ZNRF3: variants seen among roughly 807,000 people sequenced by gnomAD.
The protein encoded by ZNRF3 is E3 ubiquitin-protein ligase ZNRF3.
Under a neutral mutation model 72.5 loss-of-function variants are expected in ZNRF3, and 23 were observed. The observed-to-expected ratio is 0.32, with a 90% CI of 0.23 to 0.45. The LOEUF is 0.45. ZNRF3 is among the 20% of genes least tolerant of loss of function. The probability of loss-of-function intolerance (pLI) is 1.00; values close to 1 mark genes in which losing one functional copy is unlikely to be tolerated. For synonymous variants in ZNRF3, 610 were observed against 545.3 expected (o/e 1.12, Z -1.65); for missense variants, 1,169 against 1,272.1 (o/e 0.92, Z 1.23).
chr22:28,949,998 AAACTT>A (rs1332362421), intron 1 of ZNRF3, among the ~76,000 whole-genome samples: 1 of 152,068 alleles, frequency 6.6e-6, no homozygotes, highest in East Asian at 1.9e-4. Flanking sequence ...GAGATTTAAT[AAACTT>A]AATAGTTTTT....
chr22:28,961,034 A>G (rs140554744), intron 1 of ZNRF3, among the ~76,000 whole-genome samples: 2 of 152,362 alleles, frequency 1.3e-5, no homozygotes, highest in East Asian at 3.9e-4. Flanking sequence ...AATACCTGAA[A>G]CTGGGTGATT....
At chr22:28,959,691 G>C (rs945830172) in intron 1 of ZNRF3, among the ~76,000 whole-genome samples, 1 of 152,172 alleles carries the variant, frequency 6.6e-6, no homozygotes, top group African/African-American at 2.4e-5. Flanking sequence ...TAACTCCCAC[G>C]GTGGTGGTAT....
chr22:29,020,759 G>GTTTTTTTTTT lies in ZNRF3; in HGVS notation c.427-21731_427-21730insTTTTTTTTTT, dbSNP rs762825720. Among the ~76,000 whole-genome samples the GTTTTTTTTTT allele has an allele frequency of 3.6e-5, 5 of 140,134 alleles. No individual in the cohort carries two copies. In the East Asian group the frequency reaches 1.0e-3, roughly 29 times the overall value. 91.9% of individuals were successfully genotyped at this position (140,134 alleles called of 152,430 possible). A position where few individuals can be genotyped will look rare whatever the true frequency, so the allele number is the denominator to read the frequency against. ...TCCAGATTTCATTGAGAGGGGCTTT[G>GTTTTTTTTTT]TTTTTGTGTGTGTGTGGGTGTGTGT... is the stretch of plus-strand genomic sequence containing the variant. On this transcript the variant is annotated intron_variant, in intron 2 of 8. Coordinates refer to ENST00000544604, the MANE Select transcript of ZNRF3 (RefSeq NM_001206998.2).
At chr22:28,890,357 G>A (rs1297389230) in intron 1 of ZNRF3, among the ~76,000 whole-genome samples, 5 of 152,116 alleles carry the variant, frequency 3.3e-5, no homozygotes, top group African/African-American at 7.2e-5. Flanking sequence ...AAAATTAGCC[G>A]GGCGTGGTGG....
At chr22:29,009,186 T>A (rs1464044104) in intron 2 of ZNRF3, among the ~76,000 whole-genome samples, 1 of 152,124 alleles carries the variant, frequency 6.6e-6, no homozygotes, top group East Asian at 1.9e-4. Flanking sequence ...CAGGGACGGC[T>A]TCACAGAAGA....
chr22:28,935,176 T>C (rs1487762719), intron 1 of ZNRF3, among the ~76,000 whole-genome samples: 1 of 152,250 alleles, frequency 6.6e-6, no homozygotes, highest in East Asian at 1.9e-4. Flanking sequence ...CTTTTTCTCT[T>C]AATAGGGCTT....
chr22:29,021,565 G>GC (rs1328134914), intron 2 of ZNRF3, among the ~76,000 whole-genome samples: 1 of 150,812 alleles, frequency 6.6e-6, no homozygotes, highest in African/African-American at 2.4e-5. Context: ...TCGGCTCACT[G>GC]CAACCTCCGC....
chr22:29,006,317 G>A (rs1352206578), intron 2 of ZNRF3, among the ~76,000 whole-genome samples: 1 of 144,212 alleles, frequency 6.9e-6, no homozygotes, highest in East Asian at 2.2e-4. Flanking sequence ...GGGTTAAAGC[G>A]ATTCTCCTGC....
Position 29,044,783 on chromosome 22 carries a change from C to T in ZNRF3, c.637C>T (p.Pro213Ser), listed in dbSNP as rs755589439. ...ARIQHRPPRQPTEYFDMGIFL... is the reference protein window; with the variant it reads ...ARIQHRPPRQSTEYFDMGIFL... The stretch of plus-strand genomic sequence containing the variant: ...CTGTGTCTGTGTTCCGTTCCAGCAA[C>T]CCACTGAATACTTTGACATGGGGAT... Residue 213 changes from proline (P) to serine (S), a missense_variant, in exon 5 of 9, where the codon CCC (proline) becomes TCC (serine). Transcript: ENST00000544604. 3 of 1,612,580 alleles carry T rather than the reference C, an allele frequency of 1.9e-6. No individual in the cohort carries two copies. In the Admixed American group the frequency reaches 5.0e-5, roughly 27 times the overall value.
rs1377287254 is a variant in ZNRF3 at position 29,049,660 on chromosome 22, G to A, written c.1479G>A (p.Arg493=). Residue 493 remains arginine (R), a synonymous_variant, in exon 8 of 9, where the codon CGG becomes CGA. Coordinates refer to ENST00000544604, the MANE Select transcript of ZNRF3 (RefSeq NM_001206998.2). This position sits in a 1 kb window ranked among gnomAD's most constrained non-coding sequence, Gnocchi z 5.2. ...EGQSPPSLAP[R]GPARAFPPSG... is the part of the protein sequence containing the mutation. Reference sequence around the variant, plus strand: ...AGTCCCCACCTAGCCTCGCACCCCGGGGCCCGGCCCGTGCCTTTCCTCCGA... The same window carrying A: ...AGTCCCCACCTAGCCTCGCACCCCGAGGCCCGGCCCGTGCCTTTCCTCCGA... 2 of 1,609,458 alleles carry A rather than the reference G, an allele frequency of 1.2e-6. No homozygotes were observed. The highest frequency in any genetic ancestry group is 1.1e-5 in the South Asian group (1 of 90,910).
Position 29,030,355 on chromosome 22 carries a change from A to C in ZNRF3, c.427-12140A>C, listed in dbSNP as rs1444621016. On this transcript the variant is annotated intron_variant, in intron 2 of 8. Transcript: ENST00000544604. The surrounding 1 kb of genome is among the most constrained non-coding windows in gnomAD (Gnocchi z 4.2). ...CGGACTCCAGCCTCTAAAGTCGGGTACCTTTAATTAGGAGAAATTAAGTGG... is the reference window on the plus strand; with the variant it reads ...CGGACTCCAGCCTCTAAAGTCGGGTCCCTTTAATTAGGAGAAATTAAGTGG... 6.6e-6 allele frequency among the ~76,000 whole-genome samples: 1 copy of C among 152,220 alleles called. No homozygotes were observed. The highest frequency in any genetic ancestry group is 1.5e-5 in the Non-Finnish European group (1 of 68,038).
At chr22:28,933,477 C>A (rs1215987293) in intron 1 of ZNRF3, among the ~76,000 whole-genome samples, 1 of 152,136 alleles carries the variant, frequency 6.6e-6, no homozygotes, top group Admixed American at 6.5e-5. Context: ...TTACCTCTGC[C>A]ATGTTTAAAC....
chr22:28,947,636 G>C (rs2035076744), intron 1 of ZNRF3, among the ~76,000 whole-genome samples: 1 of 152,040 alleles, frequency 6.6e-6, no homozygotes, highest in African/African-American at 2.4e-5. Flanking sequence ...ATCTTTTCAT[G>C]TACTTATTGG....
intron 1 of ZNRF3, among the ~76,000 whole-genome samples, chr22:28,912,978 T>G (rs1291668725): frequency 6.6e-6 from 1 of 152,216 alleles, no homozygotes; most frequent in Admixed American, 6.5e-5. Context: ...GACACAGTTT[T>G]CGAATCCTTG....
chr22:29,014,891 C>T (rs1244691744), intron 2 of ZNRF3, among the ~76,000 whole-genome samples: 1 of 152,212 alleles, frequency 6.6e-6, no homozygotes, highest in Non-Finnish European at 1.5e-5. Context: ...AGCTCAGAGT[C>T]AAGGTTCCTG....
chr22:29,031,597 A>T, intron 2 of ZNRF3: 1 of 985,650 alleles, frequency 1.0e-6, no homozygotes, highest in Non-Finnish European at 1.2e-6. Flanking sequence ...CTACTAAGTG[A>T]AGAACTCGAG....
chr22:28,921,584 A>T (rs184888922), intron 1 of ZNRF3, among the ~76,000 whole-genome samples: 1 of 152,124 alleles, frequency 6.6e-6, no homozygotes, highest in Non-Finnish European at 1.5e-5. Flanking sequence ...ACCTGAAACA[A>T]TCTGGTCTGG....
At chr22:28,998,115 A>G (rs190382054) in intron 2 of ZNRF3, among the ~76,000 whole-genome samples, 21 of 151,892 alleles carry the variant, frequency 1.4e-4, no homozygotes, top group Middle Eastern at 3.4e-3. Context: ...CCTGGCCAAC[A>G]TGGTGAAATC....
chr22:28,896,568 A>T (rs2034003597), intron 1 of ZNRF3, among the ~76,000 whole-genome samples: 4 of 152,278 alleles, frequency 2.6e-5, no homozygotes, highest in Admixed American at 2.6e-4. Flanking sequence ...CCGGCCTGAG[A>T]ATGCTTTTCT....
Sources: allele counts gnomAD v4.1 joint callset (sites outside exome capture counted in the v4.1 genomes callset), GRCh38; gene constraint gnomAD v4.1.1; non-coding constraint Gnocchi (gnomAD v3.1); transcripts MANE v1.5; gene names NCBI Gene and HGNC (gene_info 2026-07-23, HGNC 2026-07-21).